HROB: variants seen among roughly 807,000 people sequenced by gnomAD.
HROB encodes homologous recombination factor with OB-fold, also known as homologous recombination OB-fold protein.
A neutral mutation model predicts 61.0 loss-of-function variants in HROB; 44 were observed. The ratio of observed to expected loss-of-function variants is 0.72; its 90% confidence interval spans 0.57 to 0.93. The LOEUF (loss-of-function observed/expected upper bound fraction) is 0.93. Among genes scored for constraint, HROB ranks in the 40% least tolerant of loss-of-function variants. The probability of loss-of-function intolerance (pLI) is 0.00; values close to 1 mark genes in which losing one functional copy is unlikely to be tolerated. For synonymous variants in HROB, 301 were observed against 310.4 expected, an observed-to-expected ratio of 0.97 and a Z score of 0.32; for missense variants, 716 against 796.2, an observed-to-expected ratio of 0.90 and a Z score of 1.21.
rs1395221805 is a variant in HROB, at chr17:44,148,291, C to G, written c.488C>G (p.Ala163Gly). Reference sequence around the variant, plus strand: ...CAAGACGAATTTGATAAAGTCCTGGCAAGCATGGAGTTGGAGGAGCCTGGC... The same window carrying G: ...CAAGACGAATTTGATAAAGTCCTGGGAAGCATGGAGTTGGAGGAGCCTGGC... ...PEQDEFDKVL[A>G]SMELEEPGME... The change falls in exon 3 of 10, where the codon GCA (alanine) becomes GGA (glycine). Residue 163 changes from alanine to glycine, a missense_variant. Physicochemically the swap from Ala to Gly is moderately conservative, Grantham distance 60. Transcript: ENST00000585683. The G allele has an allele frequency of 1.2e-6, 2 of 1,614,038 alleles. No homozygotes were observed. Among genetic ancestry groups the G allele is most frequent in the African/African-American group, 2.7e-5 (2 of 74,910 alleles).
chr17:44,143,206 G>A (rs2053509731), intron 1 of HROB, among the ~76,000 whole-genome samples: 2 of 151,994 alleles, frequency 1.3e-5, no homozygotes, highest in Non-Finnish European at 2.9e-5. Flanking sequence ...ACAAAGTGCT[G>A]GGATTACAGG....
At chr17:44,157,697 G>T in intron 8 of HROB, 136 bp from the exon 9 acceptor site, 1 of 538,896 alleles carries the variant, frequency 1.9e-6, no homozygotes. Context: ...TTACAGGTGT[G>T]AGCCACCACA....
chr17:44,160,932 G>T (rs1348750508), intron 9 of HROB, among the ~76,000 whole-genome samples: 1 of 152,240 alleles, frequency 6.6e-6, no homozygotes, highest in East Asian at 1.9e-4. Context: ...GCCGGGCATG[G>T]TGGCTCATGC....
chr17:44,147,491 C>T (rs2053646942), intron 2 of HROB, among the ~76,000 whole-genome samples: 1 of 141,306 alleles, frequency 7.1e-6, no homozygotes, highest in Non-Finnish European at 1.5e-5. Flanking sequence ...GGCTGGAGTA[C>T]AGTGGCACCA....
At chr17:44,145,881 A>G (rs1203981066) in intron 2 of HROB, among the ~76,000 whole-genome samples, 1 of 151,994 alleles carries the variant, frequency 6.6e-6, no homozygotes, top group Non-Finnish European at 1.5e-5. Context: ...TTTCTTCAAC[A>G]TTTATTTTAA....
At position 44,142,466 on chromosome 17, in the gene HROB, C is replaced by CTTTTT. The variant is rs1156855939; in HGVS notation, c.3+336_3+340dup. Among the ~76,000 whole-genome samples, 3 of 137,854 alleles carry CTTTTT rather than the reference C, an allele frequency of 2.2e-5. 1 individual carries two copies. Among genetic ancestry groups the CTTTTT allele is most frequent in the African/African-American group, 2.7e-5 (1 of 37,224 alleles). The allele number at this position is 137,854 out of a possible 152,430, so 90.4% of individuals were successfully genotyped here. A position where few individuals can be genotyped will look rare whatever the true frequency, so the allele number is the denominator to read the frequency against. ...TCCCCTCCCCGCCCCACACTTTCTA[C>CTTTTT]TTTTTTTTTTTTTTTTTTTGGACGA... On this transcript the variant is annotated intron_variant, in intron 1 of 9. Coordinates refer to ENST00000585683, the MANE Select transcript of HROB (RefSeq NM_001171251.3).
In HROB at chr17:44,162,421, G is replaced by A. The variant is rs1423817678; in HGVS notation, c.*489G>A. ...TCATCCATGCCCAAGGTTCCCAGGT[G>A]CAGGACAGAGGTGTGGCCTATTGTA... On this transcript the variant is annotated 3_prime_UTR_variant, in exon 10 of 10. Transcript: ENST00000585683. The A allele has an allele frequency of 6.3e-6, 1 of 159,790 alleles. No homozygotes were observed. The highest frequency in any genetic ancestry group is 1.4e-5 in the Non-Finnish European group (1 of 72,878). 9.9% of individuals were successfully genotyped at this position (159,790 alleles called of 1,614,324 possible).
At chr17:44,159,569 C>T (rs1042831384) in intron 9 of HROB, among the ~76,000 whole-genome samples, 5 of 152,184 alleles carry the variant, frequency 3.3e-5, no homozygotes, top group Admixed American at 2.6e-4. Flanking sequence ...CCGGTAGTGG[C>T]CCCAAATGCC....
chr17:44,154,942 T>C lies in HROB; in HGVS notation c.1644+4T>C, dbSNP rs1340888686. ...CTCAGTGCTGCTGCTGAAGCAGGTA[T>C]GGGGAGCAGCTCTCCACACCACTGC... On this transcript the variant is annotated splice_donor_region_variant and intron_variant, in intron 7 of 9. Coordinates refer to ENST00000585683, the MANE Select transcript of HROB (RefSeq NM_001171251.3). 6.2e-7 allele frequency: 1 copy of C among 1,612,726 alleles called. No individual in the cohort carries two copies. The highest frequency in any genetic ancestry group is 8.5e-7 in the Non-Finnish European group (1 of 1,179,644).
At position 44,145,245 on chromosome 17, in the gene HROB, G is replaced by C; in HGVS notation, c.46G>C (p.Glu16Gln). 6.2e-7 allele frequency: 1 copy of C among 1,613,826 alleles called. No homozygotes were observed. The highest frequency in any genetic ancestry group is 8.5e-7 in the Non-Finnish European group (1 of 1,179,770). Residue 16 changes from glutamate to glutamine, a missense_variant, in exon 2 of 10, where the codon GAA (glutamate) becomes CAA (glutamine). By Grantham distance (29) the Glu-to-Gln change is conservative. Transcript: ENST00000585683. Reference sequence around the variant, plus strand: ...GCTGTTTGCTGTGGAAGAGGAGTTTGAAGATGAGGTAGGGAAGTGTTGATG... The same window carrying C: ...GCTGTTTGCTGTGGAAGAGGAGTTTCAAGATGAGGTAGGGAAGTGTTGATG... ...QKLFAVEEEF[E>Q]DEDFLSAVED... is the part of the protein sequence containing the mutation.
In HROB at chr17:44,162,185, G is replaced by A. The variant is rs540941278; in HGVS notation, c.*253G>A. ...GCTCTCCAGCCAACAAGAAAGGCCT[G>A]TCACCCTCGCCTTGGGTGTCCCTCT... On this transcript the variant is annotated 3_prime_UTR_variant, in exon 10 of 10. Coordinates refer to ENST00000585683, the MANE Select transcript of HROB (RefSeq NM_001171251.3). 20 of 486,818 alleles carry A rather than the reference G, an allele frequency of 4.1e-5. No individual in the cohort carries two copies. The highest frequency in any genetic ancestry group is 5.6e-4 in the Middle Eastern group (1 of 1,794). The allele number at this position is 486,818 out of a possible 1,614,324, so 30.2% of individuals were successfully genotyped here. A position where few individuals can be genotyped will look rare whatever the true frequency, so the allele number is the denominator to read the frequency against.
intron 1 of HROB, among the ~76,000 whole-genome samples, chr17:44,142,407 G>T (rs191981086): frequency 6.6e-6 from 1 of 150,950 alleles, no homozygotes; most frequent in East Asian, 1.9e-4. Flanking sequence ...TTTCCAGTGC[G>T]CTCAGACGTC....
intron 2 of HROB, among the ~76,000 whole-genome samples, chr17:44,146,519 G>A (rs1439893312): frequency 6.6e-6 from 1 of 152,144 alleles, no homozygotes; most frequent in Non-Finnish European, 1.5e-5. Flanking sequence ...GTGAGTAATG[G>A]AATTAGAGTA....
Position 44,148,363 on chromosome 17 carries a change from C to A in HROB, c.560C>A (p.Pro187His). ...AGCAGTGAGGCCATACCAATCCTGC[C>A]TGCCCAGCAGCGGGAGGGTTCAGTA... is the stretch of plus-strand genomic sequence containing the variant. ...GVSSEAIPILPAQQREGSVLA... is the reference protein window; with the variant it reads ...GVSSEAIPILHAQQREGSVLA... Residue 187 changes from proline (P) to histidine (H), a missense_variant, in exon 3 of 10, where the codon CCT (proline) becomes CAT (histidine). Transcript: ENST00000585683. 6.2e-7 allele frequency: 1 copy of A among 1,614,108 alleles called. No homozygotes were observed. The highest frequency in any genetic ancestry group is 1.1e-5 in the South Asian group (1 of 91,090).
In HROB at chr17:44,156,668, TA is replaced by T. The variant is rs201760839; in HGVS notation, c.1771-1164del. Among the ~76,000 whole-genome samples the T allele has an allele frequency of 1.0e-3, 151 of 149,644 alleles. 7 individuals are homozygous for T. Among genetic ancestry groups the T allele is most frequent in the Middle Eastern group, 3.4e-3 (1 of 290 alleles). On this transcript the variant is annotated intron_variant, in intron 8 of 9. Coordinates refer to ENST00000585683, the MANE Select transcript of HROB (RefSeq NM_001171251.3). ...AACCATTTAATTACCGGTATTTATT[TA>T]TTTTTTTTTTTTGAAATGGAGTCTC...
intron 1 of HROB, among the ~76,000 whole-genome samples, chr17:44,143,649 GAA>G (rs74952287): frequency 1.5e-5 from 2 of 137,632 alleles, no homozygotes; most frequent in Admixed American, 7.3e-5. Context: ...GTCTCAGGAA[GAA>G]AAAAAAAAAA....
chr17:44,150,081 T>C (rs201994048), intron 3 of HROB, among the ~76,000 whole-genome samples: 2 of 151,752 alleles, frequency 1.3e-5, no homozygotes, highest in Non-Finnish European at 3.0e-5. Flanking sequence ...TTGTGGCAGG[T>C]GTGGGGAAGC....
In HROB at chr17:44,149,042, T is replaced by A. The variant is rs372585619; in HGVS notation, c.1224+15T>A. On this transcript the variant is annotated intron_variant, in intron 3 of 9. Transcript: ENST00000585683. The stretch of plus-strand genomic sequence containing the variant: ...TGCCTCACCAGGTGAGTGAGCTGGC[T>A]TTCTAGGATTTGGTGGGCAAGGGAG... 2.2e-5 allele frequency: 35 copies of A among 1,605,888 alleles called. No homozygotes were observed. Among genetic ancestry groups the A allele is most frequent in the Admixed American group, 8.4e-5 (5 of 59,664 alleles).
At chr17:44,154,450 CTA>C (rs1159793398) in intron 5 of HROB, 104 bp from the exon 6 acceptor site, 2 of 998,832 alleles carry the variant, frequency 2.0e-6, no homozygotes, top group African/African-American at 1.6e-5. Context: ...ATCACTATAA[CTA>C]TACTCTGACC....
Sources: allele counts gnomAD v4.1 joint callset (sites outside exome capture counted in the v4.1 genomes callset), GRCh38; gene constraint gnomAD v4.1.1; transcripts MANE v1.5; gene names NCBI Gene and HGNC (gene_info 2026-07-23, HGNC 2026-07-21).